The following EXT1 variants were observed in gnomAD, a reference collection of about 807,000 sequenced individuals.
EXT1 encodes exostosin glycosyltransferase 1, also known as exostosin-1.
Under a neutral mutation model 82.5 loss-of-function variants are expected in EXT1, and 20 were observed. The ratio of observed to expected loss-of-function variants is 0.24; its 90% CI spans 0.17 to 0.35. The LOEUF is 0.35. Among genes scored for constraint, EXT1 ranks in the 10% least tolerant of loss-of-function variants. The probability of loss-of-function intolerance (pLI) is 1.00; values close to 1 mark genes in which losing one functional copy is unlikely to be tolerated. For synonymous variants in EXT1, 348 were observed against 350.8 expected (o/e 0.99, Z 0.09); for missense variants, 757 against 936.5 (o/e 0.81, Z 2.50).
chr8:117,903,204 TTTGAAGG>T (rs1238871018), intron 1 of EXT1, among the ~76,000 whole-genome samples: 1 of 152,194 alleles, frequency 6.6e-6, no homozygotes, highest in Non-Finnish European at 1.5e-5. Flanking sequence ...TCCAGCTATA[TTTGAAGG>T]TTCAAACTAA....
intron 1 of EXT1, among the ~76,000 whole-genome samples, chr8:118,107,550 A>G (rs933955913): frequency 6.6e-5 from 10 of 152,282 alleles, no homozygotes; most frequent in South Asian, 2.1e-4. Context: ...TCTTGACTTG[A>G]GGAGTTCTGC....
chr8:117,873,268 T>C (rs1256342092), intron 1 of EXT1, among the ~76,000 whole-genome samples: 3 of 152,158 alleles, frequency 2.0e-5, no homozygotes, highest in African/African-American at 7.2e-5. Flanking sequence ...GCAGCCCAAA[T>C]AGACTGAGTT....
chr8:117,871,774 C>A lies in EXT1; in HGVS notation c.963-34573G>T, dbSNP rs372490460. On this transcript the variant is annotated intron_variant, in intron 1 of 10. Coordinates refer to ENST00000378204, the MANE Select transcript of EXT1 (RefSeq NM_000127.3). ...TGAGGCTTGTCTTCTAAAACTGCTT[C>A]CACAGTATCCCCTAGGGTAGGGCTG... is the stretch of plus-strand genomic sequence containing the variant. Among the ~76,000 whole-genome samples, 22 of 152,236 alleles carry A rather than the reference C, an allele frequency of 1.4e-4. No homozygotes were observed. In the South Asian group the frequency reaches 1.7e-3, roughly 11 times the overall value.
chr8:117,794,559 G>C lies in EXT1; in HGVS notation c.*5153C>G, dbSNP rs1208087440. 2.6e-5 allele frequency: 4 copies of C among 151,770 alleles called. No homozygotes were observed. Among genetic ancestry groups the C allele is most frequent in the African/African-American group, 9.7e-5 (4 of 41,302 alleles). The allele number at this position is 151,770 out of a possible 1,614,324, so 9.4% of individuals were successfully genotyped here. On this transcript the variant is annotated 3_prime_UTR_variant, in exon 11 of 11. Transcript: ENST00000378204. Reference sequence around the variant, plus strand: ...TATAAATTGGAAGGAAAAAGTCTTTGGTGACACTCTCTATAAAACAATCTA... The same window carrying C: ...TATAAATTGGAAGGAAAAAGTCTTTCGTGACACTCTCTATAAAACAATCTA...
chr8:118,060,932 T>A (rs2129942427), intron 1 of EXT1, among the ~76,000 whole-genome samples: 1 of 152,306 alleles, frequency 6.6e-6, no homozygotes, highest in African/African-American at 2.4e-5. Flanking sequence ...TTTCTTTACA[T>A]CATGAGATGG....
At chr8:117,924,704 A>T (rs1457741185) in intron 1 of EXT1, among the ~76,000 whole-genome samples, 1 of 152,240 alleles carries the variant, frequency 6.6e-6, no homozygotes, top group Non-Finnish European at 1.5e-5. Flanking sequence ...GGAAGGAGAC[A>T]TCTGGTCCAG....
intron 1 of EXT1, among the ~76,000 whole-genome samples, chr8:117,934,602 CT>C (rs1202309719): frequency 1.3e-5 from 2 of 152,226 alleles, no homozygotes; most frequent in Non-Finnish European, 2.9e-5. Flanking sequence ...CCCTGTATCT[CT>C]TCAAAGGGCT....
chr8:117,810,965 C>T (rs1407942867), intron 8 of EXT1, among the ~76,000 whole-genome samples: 1 of 152,164 alleles, frequency 6.6e-6, no homozygotes, highest in Non-Finnish European at 1.5e-5. Flanking sequence ...AGCAGCCTCT[C>T]CATCCTAGTG....
chr8:117,942,929 T>C (rs1191428893), intron 1 of EXT1, among the ~76,000 whole-genome samples: 1 of 152,208 alleles, frequency 6.6e-6, no homozygotes, highest in Non-Finnish European at 1.5e-5. Flanking sequence ...ACAGAGCTTC[T>C]TGGACCCATA....
chr8:117,938,640 T>C (rs889841505), intron 1 of EXT1, among the ~76,000 whole-genome samples: 3 of 152,164 alleles, frequency 2.0e-5, no homozygotes, highest in Non-Finnish European at 4.4e-5. Context: ...CCATAATCTA[T>C]AGCATAACAC....
At position 117,795,665 on chromosome 8, in the gene EXT1, C is replaced by G. The variant is rs1399285611; in HGVS notation, c.*4047G>C. 1 of 151,994 alleles carries G rather than the reference C, an allele frequency of 6.6e-6. No individual in the cohort carries two copies. The highest frequency in any genetic ancestry group is 1.5e-5 in the Non-Finnish European group (1 of 68,058). 9.4% of individuals were successfully genotyped at this position (151,994 alleles called of 1,614,324 possible). A position where few individuals can be genotyped will look rare whatever the true frequency, so the allele number is the denominator to read the frequency against. On this transcript the variant is annotated 3_prime_UTR_variant, in exon 11 of 11. Transcript: ENST00000378204. ...TACAAAAATTAGCCCAGTGTGGTAG[C>G]ACATGCCTGTAATCCCAACTACTAA... is the stretch of plus-strand genomic sequence containing the variant.
At chr8:117,985,225 G>A (rs367979849) in intron 1 of EXT1, among the ~76,000 whole-genome samples, 82 of 152,342 alleles carry the variant, frequency 5.4e-4, no homozygotes, top group African/African-American at 2.0e-3. Flanking sequence ...CACCAAGCCT[G>A]TGCTGCTCAC....
At position 118,085,219 on chromosome 8, in the gene EXT1, C is replaced by A. The variant is rs17506142; in HGVS notation, c.962+24866G>T. Among the ~76,000 whole-genome samples, 401 of 152,226 alleles carry A rather than the reference C, an allele frequency of 2.6e-3. 2 individuals are homozygous for A. The highest frequency in any genetic ancestry group is 9.1e-3 in the African/African-American group (376 of 41,536). On this transcript the variant is annotated intron_variant, in intron 1 of 10. Transcript: ENST00000378204. ...AAGGATGCTGAGGTTATTAAAATAA[C>A]CTATTTGCTACAGCCTTGGTGTCTG...
intron 1 of EXT1, among the ~76,000 whole-genome samples, chr8:117,913,842 C>T (rs1035479904): frequency 2.6e-5 from 4 of 152,270 alleles, no homozygotes; most frequent in South Asian, 2.1e-4. Context: ...ACAACTCATT[C>T]CAGTGAGGAA....
chr8:117,886,352 T>C (rs1191247368), intron 1 of EXT1, among the ~76,000 whole-genome samples: 1 of 152,200 alleles, frequency 6.6e-6, no homozygotes, highest in African/African-American at 2.4e-5. Flanking sequence ...AGTGTTCTGT[T>C]AGTTTCTTTC....
chr8:117,837,107 C>G lies in EXT1; in HGVS notation c.1056+1G>C. The G allele has an allele frequency of 6.2e-7, 1 of 1,613,472 alleles. No individual in the cohort carries two copies. ...TCTGGGAAGGCTCCAGGGCCTCTTA[C>G]CTGCAAAGCCTCCAGGAATCTGAAG... is the stretch of plus-strand genomic sequence containing the variant. On this transcript the variant is annotated splice_donor_variant, in intron 2 of 10. Transcript: ENST00000378204. LOFTEE classifies it high-confidence loss of function.
chr8:118,052,406 G>C (rs1355483826), intron 1 of EXT1, among the ~76,000 whole-genome samples: 1 of 152,030 alleles, frequency 6.6e-6, no homozygotes, highest in Non-Finnish European at 1.5e-5. Flanking sequence ...TTCTATTCTA[G>C]TTTTGTTTTA....
intron 1 of EXT1, among the ~76,000 whole-genome samples, chr8:118,097,118 C>T (rs917487115): frequency 2.0e-5 from 3 of 152,110 alleles, no homozygotes; most frequent in African/African-American, 7.2e-5. Context: ...TCCTACTTTG[C>T]ATCCAAACGA....
At chr8:117,942,643 G>A (rs1009300038) in intron 1 of EXT1, among the ~76,000 whole-genome samples, 4 of 152,088 alleles carry the variant, frequency 2.6e-5, no homozygotes, top group African/African-American at 7.2e-5. Flanking sequence ...CCTGGGAGGT[G>A]GAGGTTGCGG....
Sources: allele counts gnomAD v4.1 joint callset (sites outside exome capture counted in the v4.1 genomes callset), GRCh38; gene constraint gnomAD v4.1.1; transcripts MANE v1.5; gene names NCBI Gene and HGNC (gene_info 2026-07-23, HGNC 2026-07-21).